The following FAM78B variants were observed in gnomAD, a reference collection of about 807,000 sequenced individuals.
FAM78B encodes family with sequence similarity 78 member B.
In FAM78B, 10 loss-of-function variants were observed where a neutral mutation model predicts 20.0. That is an observed-to-expected ratio of 0.50 (90% CI 0.31 to 0.85). FAM78B has a LOEUF of 0.85. FAM78B is among the 40% of genes least tolerant of loss of function. The probability of loss-of-function intolerance (pLI) is 0.05; values close to 1 mark genes in which losing one functional copy is unlikely to be tolerated. For missense variants in FAM78B, 283 were observed against 345.0 expected, an observed-to-expected ratio of 0.82 and a Z score of 1.42; for synonymous variants, 135 against 132.8, an observed-to-expected ratio of 1.02 and a Z score of -0.12.
At chr1:166,099,287 G>A (rs528306047) in intron 1 of FAM78B, among the ~76,000 whole-genome samples, 1 of 152,232 alleles carries the variant, frequency 6.6e-6, no homozygotes, top group South Asian at 2.1e-4. Flanking sequence ...CATCAAAACA[G>A]AACCTCTTTA....
At chr1:166,094,344 A>G (rs1653193799) in intron 1 of FAM78B, among the ~76,000 whole-genome samples, 1 of 152,192 alleles carries the variant, frequency 6.6e-6, no homozygotes, top group African/African-American at 2.4e-5. Flanking sequence ...TGGGACAGCT[A>G]TAAAGAGAAT....
In FAM78B at chr1:166,166,410, C is replaced by T. The variant is rs1395688636; in HGVS notation, c.-162G>A. 10 of 528,356 alleles carry T rather than the reference C, an allele frequency of 1.9e-5. No individual in the cohort carries two copies. The highest frequency in any genetic ancestry group is 2.5e-5 in the Non-Finnish European group (10 of 406,306). 32.7% of individuals were successfully genotyped at this position (528,356 alleles called of 1,614,324 possible). On this transcript the variant is annotated 5_prime_UTR_variant, in exon 1 of 2. Coordinates refer to ENST00000354422, the MANE Select transcript of FAM78B (RefSeq NM_001017961.5). ...AGCCGCCGGGCATCCTTGGGGAAGC[C>T]CCCTCCTCTTGCAGCCGCGCGGGGT...
intron 1 of FAM78B, among the ~76,000 whole-genome samples, chr1:166,113,890 C>T (rs944279838): frequency 6.6e-6 from 1 of 152,280 alleles, no homozygotes; most frequent in South Asian, 2.1e-4. Flanking sequence ...ATGCCATCTT[C>T]GCAGGGGCAG....
At chr1:166,075,358 T>C (rs1398459744) in intron 1 of FAM78B, among the ~76,000 whole-genome samples, 1 of 152,148 alleles carries the variant, frequency 6.6e-6, no homozygotes, top group Non-Finnish European at 1.5e-5. Context: ...GGTAACCAAT[T>C]GCCTGTTAGA....
chr1:166,089,709 G>A (rs1652988869), intron 1 of FAM78B, among the ~76,000 whole-genome samples: 1 of 151,994 alleles, frequency 6.6e-6, no homozygotes, highest in African/African-American at 2.4e-5. Context: ...ATAAGAGAGA[G>A]CTCTGGAATG....
rs146913768 is a variant in FAM78B, at chr1:166,084,676, C to G, written c.264-13913G>C. 3.3e-3 allele frequency among the ~76,000 whole-genome samples: 506 copies of G among 152,350 alleles called. 3 individuals are homozygous for G. Among genetic ancestry groups the G allele is most frequent in the African/African-American group, 0.011 (478 of 41,594 alleles). ...TTCCCTGCACCTGGGTCCACGTCTACTCTCCTATCAGGGTTCTAGCTCCTC... is the reference window on the plus strand; with the variant it reads ...TTCCCTGCACCTGGGTCCACGTCTAGTCTCCTATCAGGGTTCTAGCTCCTC... On this transcript the variant is annotated intron_variant, in intron 1 of 1. Transcript: ENST00000354422.
Position 166,108,701 on chromosome 1 carries a change from A to C in FAM78B, c.264-37938T>G, listed in dbSNP as rs866082875. On this transcript the variant is annotated intron_variant, in intron 1 of 1. Coordinates refer to ENST00000354422, the MANE Select transcript of FAM78B (RefSeq NM_001017961.5). Reference sequence around the variant, plus strand: ...GAAACAAAAAAGAGCATGCATAGCCAAAGCAAGACTAAGCAAAAAGAACAA... The same window carrying C: ...GAAACAAAAAAGAGCATGCATAGCCCAAGCAAGACTAAGCAAAAAGAACAA... Among the ~76,000 whole-genome samples, 11 of 152,254 alleles carry C rather than the reference A, an allele frequency of 7.2e-5. No homozygotes were observed. In the South Asian group the frequency reaches 8.3e-4, roughly 11 times the overall value.
intron 1 of FAM78B, among the ~76,000 whole-genome samples, chr1:166,160,226 T>C (rs1323891434): frequency 1.3e-5 from 2 of 152,224 alleles, no homozygotes; most frequent in African/African-American, 2.4e-5. Flanking sequence ...ACACTGGGCA[T>C]GTAGCAGCAT....
At chr1:166,160,719 G>C (rs1529642) in intron 1 of FAM78B, among the ~76,000 whole-genome samples, 92,755 of 152,114 alleles carry the variant, frequency 0.61, 30,226 homozygotes, top group Non-Finnish European at 0.75. Context: ...TAGTTTATTC[G>C]TTTATTTTGT....
exon 3 of FAM78B, chr1:166,059,112 A>G (rs1651471085): frequency 6.6e-6 from 1 of 152,594 alleles, no homozygotes; most frequent in Non-Finnish European, 1.5e-5. Flanking sequence ...GAACCTGGAG[A>G]AGGTGCAGGT....
chr1:166,162,436 G>A lies in FAM78B; in HGVS notation c.263+3550C>T, dbSNP rs545676362. Among the ~76,000 whole-genome samples the A allele has an allele frequency of 9.2e-5, 14 of 152,234 alleles. No homozygotes were observed. The East Asian group carries it at 2.7e-3, about 29-fold the overall frequency. ...CCTGACCATTAAAAGTTCCCTTATA[G>A]CCCCAGAAGACTCAAAGAGAATGAG... On this transcript the variant is annotated intron_variant, in intron 1 of 1. Transcript: ENST00000354422.
chr1:166,162,921 T>C (rs575423479), intron 1 of FAM78B, among the ~76,000 whole-genome samples: 56 of 152,242 alleles, frequency 3.7e-4, no homozygotes, highest in Non-Finnish European at 6.8e-4. Flanking sequence ...ATATTACCCA[T>C]ACCTCAGAGT....
intron 1 of FAM78B, among the ~76,000 whole-genome samples, chr1:166,079,885 A>G (rs572774253): frequency 1.3e-5 from 2 of 152,330 alleles, no homozygotes; most frequent in Non-Finnish European, 2.9e-5. Flanking sequence ...CTAGATGCAC[A>G]GTTCTGGAAC....
Position 166,134,540 on chromosome 1 carries a change from A to ATAG in FAM78B, c.263+31445_263+31446insCTA, listed in dbSNP as rs1436948976. On this transcript the variant is annotated intron_variant, in intron 1 of 1. Transcript: ENST00000354422. Reference sequence around the variant, plus strand: ...AGTAATAATAATAATAATAATAATAATAAGTATAAGGTTAAACTGACCTAA... The same window carrying ATAG: ...AGTAATAATAATAATAATAATAATAATAGTAAGTATAAGGTTAAACTGACCTAA... Among the ~76,000 whole-genome samples the ATAG allele has an allele frequency of 8.5e-3, 1,290 of 151,174 alleles. 265 individuals carry two copies. The highest frequency in any genetic ancestry group is 0.032 in the South Asian group (154 of 4,740).
At chr1:166,165,834 CG>C in intron 1 of FAM78B, 151 bp downstream of exon 1, 1 of 853,696 alleles carries the variant, frequency 1.2e-6, no homozygotes. Flanking sequence ...GAAACAAAAG[CG>C]TAGGGAGGAG....
At chr1:166,139,853 A>G (rs1377096221) in intron 1 of FAM78B, among the ~76,000 whole-genome samples, 8 of 152,158 alleles carry the variant, frequency 5.3e-5, no homozygotes, top group Non-Finnish European at 1.2e-4. Flanking sequence ...TTGCTTCCTC[A>G]TGAAAAAATC....
chr1:166,125,791 T>C (rs996575767), intron 1 of FAM78B, among the ~76,000 whole-genome samples: 4 of 152,130 alleles, frequency 2.6e-5, no homozygotes, highest in Admixed American at 6.5e-5. Flanking sequence ...CAACATTATA[T>C]TGCATTTTGA....
intron 1 of FAM78B, among the ~76,000 whole-genome samples, chr1:166,163,388 GAA>G (rs1557924159): frequency 6.6e-6 from 1 of 152,156 alleles, no homozygotes; most frequent in African/African-American, 2.4e-5. Flanking sequence ...CCCCTTCTTG[GAA>G]AAGTTTACAA....
chr1:166,065,789 A>T (rs1167599723), downstream of FAM78B, among the ~76,000 whole-genome samples: 1 of 152,220 alleles, frequency 6.6e-6, no homozygotes, highest in Non-Finnish European at 1.5e-5. Context: ...CTGGGGTAAA[A>T]ATATCTGTGT....
Sources: gnomAD v4.1 joint callset for allele counts (sites outside exome capture counted in the v4.1 genomes callset) on GRCh38, gnomAD v4.1.1 for gene constraint, MANE v1.5 for transcripts, NCBI Gene and HGNC (gene_info 2026-07-23, HGNC 2026-07-21) for gene names.